The following FCAR variants were observed in gnomAD, a reference collection of about 807,000 sequenced individuals.
The protein encoded by FCAR is immunoglobulin alpha Fc receptor.
In FCAR, 21 loss-of-function variants were observed where a neutral mutation model predicts 27.1. The ratio of observed to expected loss-of-function variants is 0.77; its 90% CI spans 0.55 to 1.11. FCAR has a LOEUF of 1.11. Among genes scored for constraint, FCAR ranks in the 50% most tolerant of loss-of-function variants. The pLI is 0.00. For synonymous variants in FCAR, 134 were observed against 135.8 expected, an observed-to-expected ratio of 0.99 and a Z score of 0.09; for missense variants, 404 against 358.4, an observed-to-expected ratio of 1.13 and a Z score of -1.03.
At chr19:54,878,605 C>A (rs2066231687) in intron 2 of FCAR, among the ~76,000 whole-genome samples, 1 of 151,800 alleles carries the variant, frequency 6.6e-6, no homozygotes, top group Admixed American at 6.6e-5. Context: ...CACTCCTTAG[C>A]AGATTCCGAC....
At chr19:54,874,891 C>A (rs551732755) in intron 1 of FCAR, among the ~76,000 whole-genome samples, 118 of 152,096 alleles carry the variant, frequency 7.8e-4, no homozygotes, top group African/African-American at 2.4e-3. Context: ...CTCTTCTTGG[C>A]CGGGCGCAGT....
intron 2 of FCAR, among the ~76,000 whole-genome samples, chr19:54,881,611 G>T (rs900665737): frequency 2.0e-5 from 3 of 151,982 alleles, no homozygotes; most frequent in African/African-American, 7.2e-5. Flanking sequence ...GTGGACTCAC[G>T]CCCGGAATCC....
At chr19:54,878,862 T>C (rs2066252866) in intron 2 of FCAR, among the ~76,000 whole-genome samples, 1 of 142,732 alleles carries the variant, frequency 7.0e-6, no homozygotes, top group African/African-American at 2.6e-5. Flanking sequence ...GGCAGCATAA[T>C]GTTGAGTCTT....
intron 2 of FCAR, among the ~76,000 whole-genome samples, chr19:54,881,260 G>C (rs1216298082): frequency 6.6e-6 from 1 of 152,162 alleles, no homozygotes; most frequent in East Asian, 1.9e-4. Flanking sequence ...GTGGGTCACA[G>C]GGGTGACAGA....
chr19:54,888,838 T>A, intron 4 of FCAR: 3 of 989,682 alleles, frequency 3.0e-6, no homozygotes, highest in Non-Finnish European at 3.6e-6. Flanking sequence ...GATTCCACCT[T>A]GTTCTGGTGT....
intron 1 of FCAR, 133 bp downstream of exon 1, chr19:54,874,456 C>T (rs992049714): frequency 2.3e-5 from 19 of 835,814 alleles, no homozygotes; most frequent in African/African-American, 1.0e-4. Context: ...GTGGAAAGGC[C>T]GTCTTTGTCA....
chr19:54,885,592 C>G (rs954708504), intron 3 of FCAR, 67 bp downstream of exon 3: 1 of 1,269,574 alleles, frequency 7.9e-7, no homozygotes, highest in Non-Finnish European at 1.1e-6. Context: ...GAGTATTTTT[C>G]AAGAAGTTTT....
intron 2 of FCAR, 141 bp from the exon 3 acceptor site, chr19:54,885,094 C>T: frequency 1.4e-6 from 1 of 709,734 alleles, no homozygotes; most frequent in South Asian, 2.0e-5. Context: ...GCGTGAGCTA[C>T]CGCACCCGGC....
At chr19:54,883,152 C>T (rs761508701) in intron 2 of FCAR, among the ~76,000 whole-genome samples, 2 of 151,890 alleles carry the variant, frequency 1.3e-5, no homozygotes, top group South Asian at 2.1e-4. Flanking sequence ...ACTACAAGCA[C>T]GCAGCACCAT....
intron 4 of FCAR, 159 bp downstream of exon 4, chr19:54,888,453 G>T (rs587676371): frequency 4.2e-6 from 6 of 1,432,892 alleles, no homozygotes; most frequent in African/African-American, 1.4e-5. Flanking sequence ...CACACTTTCC[G>T]CTTTCACTTC....
At chr19:54,885,106 TA>T in intron 2 of FCAR, 128 bp from the exon 3 acceptor site, 2 of 839,424 alleles carry the variant, frequency 2.4e-6, no homozygotes, top group South Asian at 3.7e-5. Flanking sequence ...GCACCCGGCC[TA>T]AATTTTTTTT....
chr19:54,877,916 ATTGTT>A (rs2066183837), intron 2 of FCAR, among the ~76,000 whole-genome samples: 1 of 143,464 alleles, frequency 7.0e-6, no homozygotes, highest in African/African-American at 2.6e-5. Flanking sequence ...TTTGCTAAGG[ATTGTT>A]TTTTTTTTTT....
rs765442594 is a variant in FCAR at position 54,885,536 on chromosome 19, A to C, written c.361+11A>C. On this transcript the variant is annotated intron_variant, in intron 3 of 4. Coordinates refer to ENST00000355524, the MANE Select transcript of FCAR (RefSeq NM_002000.4). The stretch of plus-strand genomic sequence containing the variant: ...AGCTGGTAGTGACAGGTAAGGAAAC[A>C]TCCAGGGTCCACAGCCCTGGTGTGA... 1 of 1,596,170 alleles carries C rather than the reference A, an allele frequency of 6.3e-7. No homozygotes were observed. The highest frequency in any genetic ancestry group is 8.6e-7 in the Non-Finnish European group (1 of 1,164,092).
intron 2 of FCAR, among the ~76,000 whole-genome samples, chr19:54,876,344 G>A (rs1000319943): frequency 2.0e-5 from 3 of 152,108 alleles, no homozygotes; most frequent in African/African-American, 7.2e-5. Flanking sequence ...GATTGCTCTA[G>A]CTAGGACCTC....
Position 54,886,297 on chromosome 19 carries a change from C to CTTTTTTT in FCAR, c.361+775_361+776insTTTTTTT, listed in dbSNP as rs2066718728. ...CACATTGCATTCAGGTGTCATGTAT[C>CTTTTTTT]TTTATTTTTTTTTTTTTTTTTTTTT... is the stretch of plus-strand genomic sequence containing the variant. On this transcript the variant is annotated intron_variant, in intron 3 of 4. Transcript: ENST00000355524. Among the ~76,000 whole-genome samples the CTTTTTTT allele has an allele frequency of 1.1e-4, 9 of 80,088 alleles. 2 individuals are homozygous for CTTTTTTT. The highest frequency in any genetic ancestry group is 1.7e-4 in the African/African-American group (3 of 17,602). The allele number at this position is 80,088 out of a possible 152,430, so 52.5% of individuals were successfully genotyped here.
intron 2 of FCAR, among the ~76,000 whole-genome samples, chr19:54,881,949 G>GC (rs757713365): frequency 6.6e-6 from 1 of 151,932 alleles, no homozygotes; most frequent in Non-Finnish European, 1.5e-5. Flanking sequence ...ATGAATGAAG[G>GC]CCCCAGGCTC....
At chr19:54,883,046 G>A (rs1027172135) in intron 2 of FCAR, among the ~76,000 whole-genome samples, 6 of 151,984 alleles carry the variant, frequency 3.9e-5, no homozygotes, top group East Asian at 3.9e-4. Flanking sequence ...TTGTTCTGTC[G>A]CCCAGGCTGG....
chr19:54,885,525 G>A lies in FCAR; in HGVS notation c.361G>A (p.Gly121Ser). The A allele has an allele frequency of 6.2e-7, 1 of 1,605,754 alleles. No homozygotes were observed. Among genetic ancestry groups the A allele is most frequent in the Non-Finnish European group, 8.5e-7 (1 of 1,172,594 alleles). The change falls in exon 3 of 5, where the codon GGC becomes AGC. Residue 121 changes from glycine to serine, a missense_variant and splice_region_variant. Gly to Ser is a moderately conservative substitution (Grantham distance 56, BLOSUM62 0). Coordinates refer to ENST00000355524, the MANE Select transcript of FCAR (RefSeq NM_002000.4). ...TGACACCCTGGAGCTGGTAGTGACA[G>A]GTAAGGAAACATCCAGGGTCCACAG... ...YSDTLELVVT[G>S]LYGKPFLSAD...
chr19:54,887,952 A>T, intron 3 of FCAR, 55 bp from the exon 4 acceptor site: 1 of 1,375,800 alleles, frequency 7.3e-7, no homozygotes, highest in Non-Finnish European at 9.9e-7. Context: ...AATAAGAAGA[A>T]GAAAAGAATA....
Sources: allele counts gnomAD v4.1 joint callset (sites outside exome capture counted in the v4.1 genomes callset), GRCh38; gene constraint gnomAD v4.1.1; transcripts MANE v1.5; gene names NCBI Gene and HGNC (gene_info 2026-07-23, HGNC 2026-07-21).